Variants in TSHZ3 observed in about 807,000 individuals in gnomAD.
TSHZ3 encodes teashirt homolog 3.
TSHZ3 carries 10 observed loss-of-function variants against 64.5 expected under a neutral mutation model. The observed-to-expected ratio is 0.16, with a 90% CI of 0.10 to 0.26. The LOEUF (loss-of-function observed/expected upper bound fraction) is 0.26. TSHZ3 is among the 10% of genes least tolerant of loss of function. The probability of loss-of-function intolerance (pLI) is 1.00; values close to 1 mark genes in which losing one functional copy is unlikely to be tolerated. For missense variants in TSHZ3, 1,242 were observed against 1,421.7 expected (o/e 0.87, Z 2.03); for synonymous variants, 608 against 593.1 (o/e 1.03, Z -0.36).
intron 1 of TSHZ3, among the ~76,000 whole-genome samples, chr19:31,281,377 C>T (rs971593795): frequency 1.3e-5 from 2 of 152,182 alleles, no homozygotes; most frequent in African/African-American, 4.8e-5. Context: ...AGCCAAGACA[C>T]ATGGAATCCC....
intron 1 of TSHZ3, 194 bp downstream of exon 1, chr19:31,348,985 GC>G (rs2021609169): frequency 1.6e-6 from 1 of 643,736 alleles, no homozygotes. Flanking sequence ...AGGGAAGAGG[GC>G]AGAGCGCGGC....
At chr19:31,308,535 T>G (rs1054258572) in intron 1 of TSHZ3, 3 of 395,992 alleles carry the variant, frequency 7.6e-6, no homozygotes, top group Non-Finnish European at 1.3e-5. Context: ...GGGCTCCATT[T>G]CTAGGAGACT....
intron 4 of TSHZ3, among the ~76,000 whole-genome samples, chr19:31,223,847 G>T (rs531539321): frequency 6.6e-6 from 1 of 152,188 alleles, no homozygotes; most frequent in South Asian, 2.1e-4. Context: ...GCTGGAGCGG[G>T]GGTGGGGGTG....
At chr19:31,253,395 A>C (rs923007336) in intron 1 of TSHZ3, among the ~76,000 whole-genome samples, 1 of 152,212 alleles carries the variant, frequency 6.6e-6, no homozygotes, top group Non-Finnish European at 1.5e-5. Flanking sequence ...ACAGTCATAG[A>C]TGTCCTTGGC....
At chr19:31,164,414 T>C (rs7260528) in intron 5 of TSHZ3, among the ~76,000 whole-genome samples, 4,987 of 152,276 alleles carry the variant, frequency 0.033, 187 homozygotes, top group African/African-American at 0.091. Context: ...CTAATATTTC[T>C]TTATAAACGT....
intron 4 of TSHZ3, among the ~76,000 whole-genome samples, chr19:31,207,157 A>C (rs1312035447): frequency 1.3e-5 from 2 of 152,222 alleles, no homozygotes; most frequent in African/African-American, 2.4e-5. Flanking sequence ...AACATGAAAT[A>C]CCTTTTAATG....
intron 5 of TSHZ3, among the ~76,000 whole-genome samples, chr19:31,199,290 G>A (rs1436037353): frequency 2.0e-5 from 3 of 151,062 alleles, no homozygotes; most frequent in Non-Finnish European, 4.4e-5. Flanking sequence ...TGTAGTCCCA[G>A]CTACTCAGGA....
intron 1 of TSHZ3, among the ~76,000 whole-genome samples, chr19:31,259,797 C>T (rs1008438860): frequency 6.6e-6 from 1 of 152,122 alleles, no homozygotes; most frequent in Non-Finnish European, 1.5e-5. Context: ...CTTTTGTGAT[C>T]CATCACGTGC....
At chr19:31,314,212 T>C (rs541893500) in intron 1 of TSHZ3, among the ~76,000 whole-genome samples, 19 of 152,338 alleles carry the variant, frequency 1.2e-4, no homozygotes, top group Admixed American at 5.2e-4. Context: ...CTTCTTTCCC[T>C]ACAGTCTGCA....
chr19:31,244,658 A>T (rs1441430885), intron 1 of TSHZ3, among the ~76,000 whole-genome samples: 3 of 151,798 alleles, frequency 2.0e-5, no homozygotes, highest in Non-Finnish European at 4.4e-5. Flanking sequence ...CTTTTTTTTT[A>T]ATTGAGATAT....
chr19:31,230,692 C>G (rs964685980), intron 3 of TSHZ3, among the ~76,000 whole-genome samples: 1 of 94,116 alleles, frequency 1.1e-5, no homozygotes, highest in Admixed American at 1.3e-4. Context: ...CCCATCACTG[C>G]TTTTTTTTTT....
At chr19:31,233,930 C>T (rs1244908733) in intron 3 of TSHZ3, among the ~76,000 whole-genome samples, 1 of 124,042 alleles carries the variant, frequency 8.1e-6, no homozygotes, top group African/African-American at 2.9e-5. Context: ...TTTGTTAATT[C>T]CTACCAAAAA....
intron 1 of TSHZ3, among the ~76,000 whole-genome samples, chr19:31,322,163 T>A (rs1461335352): frequency 1.4e-4 from 21 of 152,088 alleles, no homozygotes; most frequent in Admixed American, 1.4e-3. Flanking sequence ...TCAGACGGAG[T>A]CTTGCTCTGT....
intron 5 of TSHZ3, among the ~76,000 whole-genome samples, chr19:31,173,210 T>C (rs1974561286): frequency 6.6e-6 from 1 of 152,154 alleles, no homozygotes; most frequent in Non-Finnish European, 1.5e-5. Context: ...ATATTCTAAA[T>C]GTGGAAATAT....
chr19:31,349,127 G>T (rs2021615766), intron 1 of TSHZ3, 53 bp downstream of exon 1: 2 of 1,524,124 alleles, frequency 1.3e-6, no homozygotes, highest in Non-Finnish European at 1.8e-6. Context: ...GAGGCGCGGG[G>T]CGAGCGGAGG....
At chr19:31,330,271 G>A (rs113186676) in intron 1 of TSHZ3, among the ~76,000 whole-genome samples, 5,334 of 152,226 alleles carry the variant, frequency 0.035, 192 homozygotes, top group African/African-American at 0.086. Flanking sequence ...TGAACTTGAA[G>A]CCCCTCACCT....
At chr19:31,163,628 G>A (rs1332241864) in intron 5 of TSHZ3, among the ~76,000 whole-genome samples, 2 of 152,172 alleles carry the variant, frequency 1.3e-5, no homozygotes, top group Non-Finnish European at 2.9e-5. Flanking sequence ...ACACTTGGGA[G>A]GCTGAGGCAT....
rs1376032142 is a variant in TSHZ3, at chr19:31,276,713, T to G, written c.3080A>C (p.Lys1027Thr). The G allele has an allele frequency of 6.2e-7, 1 of 1,613,664 alleles. No homozygotes were observed. The highest frequency in any genetic ancestry group is 1.1e-5 in the South Asian group (1 of 91,054). ...QIAQTKSPSE[K>T]MVTSSPEEDL... ...TTCCTCGGGGGAGGACGTCACCATT[T>G]TTTCTGACGGTGACTTGGTTTGTGC... is the stretch of plus-strand genomic sequence containing the variant. Residue 1027 changes from lysine to threonine, a missense_variant, in exon 2 of 2, where the codon AAA becomes ACA. Coordinates refer to ENST00000240587, the MANE Select transcript of TSHZ3 (RefSeq NM_020856.4).
chr19:31,303,792 A>G lies in TSHZ3; in HGVS notation c.41-24040T>C, dbSNP rs951618199. ...GGATGAGCCATCGGCTGGTGCCAGC[A>G]GAAGCACATGGGTCTCAGAAAGACG... On this transcript the variant is annotated intron_variant, in intron 1 of 1. Coordinates refer to ENST00000240587, the MANE Select transcript of TSHZ3 (RefSeq NM_020856.4). Among the ~76,000 whole-genome samples the G allele has an allele frequency of 5.2e-4, 79 of 152,352 alleles. 1 individual carries two copies. The highest frequency in any genetic ancestry group is 1.7e-3 in the African/African-American group (72 of 41,588).
Sources: allele counts gnomAD v4.1 joint callset (sites outside exome capture counted in the v4.1 genomes callset), GRCh38; gene constraint gnomAD v4.1.1; transcripts MANE v1.5; gene names NCBI Gene and HGNC (gene_info 2026-07-23, HGNC 2026-07-21).